ZC3H18: variants seen among roughly 807,000 people sequenced by gnomAD.
ZC3H18 encodes zinc finger CCCH-type containing 18, also known as zinc finger CCCH domain-containing protein 18.
ZC3H18 carries 8 observed loss-of-function variants against 106.1 expected under a neutral mutation model. The observed-to-expected ratio is 0.08, with a 90% confidence interval of 0.04 to 0.14. The LOEUF is 0.14. Ranked by LOEUF, ZC3H18 falls within the 10% of genes least tolerant of loss-of-function variation. ZC3H18 has a pLI of 1.00. For synonymous variants in ZC3H18, 635 were observed against 522.1 expected (o/e 1.22, Z -2.95); for missense variants, 1,318 against 1,278.4 (o/e 1.03, Z -0.47).
At chr16:88,578,913 C>G (rs1202071843) in intron 2 of ZC3H18, among the ~76,000 whole-genome samples, 2 of 152,208 alleles carry the variant, frequency 1.3e-5, no homozygotes, top group East Asian at 1.9e-4. Flanking sequence ...GTTTCAAACT[C>G]CTGACCTCAG....
In ZC3H18 at chr16:88,630,504, A is replaced by G. The variant is rs768586833; in HGVS notation, c.2586A>G (p.Ser862=). ...ACCCAGGTTCTCGGGACCGGAAGTCAGGTGGGAGACTGGGCTCCCCGAAGC... is the reference window on the plus strand; with the variant it reads ...ACCCAGGTTCTCGGGACCGGAAGTCGGGTGGGAGACTGGGCTCCCCGAAGC... ...SPDRGSRDRK[S]GGRLGSPKPE... The change falls in exon 17 of 18, where the codon TCA becomes TCG. Residue 862 remains serine (S), a synonymous_variant. Transcript: ENST00000301011. 1.4e-5 allele frequency: 23 copies of G among 1,613,362 alleles called. No individual in the cohort carries two copies. The African/African-American group carries it at 2.8e-4, about 20-fold the overall frequency.
rs1453018054 is a variant in ZC3H18, at chr16:88,631,866, A to G, written c.*567A>G. ...TTGATTTAAAAAGGAAAAAATACAGAAAAGACCAAAAAAAGGCCAAGGGTG... is the reference window on the plus strand; with the variant it reads ...TTGATTTAAAAAGGAAAAAATACAGGAAAGACCAAAAAAAGGCCAAGGGTG... On this transcript the variant is annotated 3_prime_UTR_variant, in exon 18 of 18. Transcript: ENST00000301011. The G allele has an allele frequency of 6.8e-6, 2 of 295,274 alleles. No individual in the cohort carries two copies. Among genetic ancestry groups the G allele is most frequent in the East Asian group, 2.4e-4 (2 of 8,416 alleles). 18.3% of individuals were successfully genotyped at this position (295,274 alleles called of 1,614,324 possible). A position where few individuals can be genotyped will look rare whatever the true frequency, so the allele number is the denominator to read the frequency against.
chr16:88,580,710 G>A (rs572067621), intron 2 of ZC3H18, among the ~76,000 whole-genome samples: 9 of 152,310 alleles, frequency 5.9e-5, no homozygotes, highest in Admixed American at 2.0e-4. Context: ...CTGATGGACT[G>A]GGAGCCCTGG....
intron 3 of ZC3H18, among the ~76,000 whole-genome samples, chr16:88,594,939 G>A (rs993745298): frequency 6.6e-6 from 1 of 151,908 alleles, no homozygotes; most frequent in African/African-American, 2.4e-5. Context: ...ATCACCTGAG[G>A]TCGCAAGCTC....
chr16:88,605,894 G>C (rs1374677554), intron 6 of ZC3H18, among the ~76,000 whole-genome samples: 1 of 152,242 alleles, frequency 6.6e-6, no homozygotes, highest in Non-Finnish European at 1.5e-5. Flanking sequence ...AGGACCTCGG[G>C]TTCTCCTCTC....
chr16:88,602,697 G>A (rs1904809195), intron 6 of ZC3H18, among the ~76,000 whole-genome samples: 1 of 152,156 alleles, frequency 6.6e-6, no homozygotes, highest in African/African-American at 2.4e-5. Context: ...TTGGTTTTTT[G>A]AGATGAGGTC....
chr16:88,574,537 T>C (rs548595973), intron 1 of ZC3H18, among the ~76,000 whole-genome samples: 1 of 151,402 alleles, frequency 6.6e-6, no homozygotes, highest in South Asian at 2.1e-4. Context: ...CTTTTTTGTT[T>C]TTTGTTTGAG....
chr16:88,630,749 A>ACCCCCCCCCCCCCCCCCCCCCCCCCCCC (rs1277102238), intron 17 of ZC3H18, among the ~76,000 whole-genome samples, 168 bp downstream of exon 17: 1 of 43,180 alleles, frequency 2.3e-5, no homozygotes, highest in African/African-American at 7.8e-5. Flanking sequence ...TTGCAGCCCC[A>ACCCCCCCCCCCCCCCCCCCCCCCCCCCC]CCCCCCACCC....
intron 3 of ZC3H18, among the ~76,000 whole-genome samples, chr16:88,594,630 A>G (rs1440580669): frequency 6.6e-6 from 1 of 152,190 alleles, no homozygotes; most frequent in African/African-American, 2.4e-5. Context: ...CACAGAGCAT[A>G]ATATATATGC....
chr16:88,621,092 T>G (rs1039365631), intron 8 of ZC3H18, among the ~76,000 whole-genome samples: 13 of 152,212 alleles, frequency 8.5e-5, no homozygotes, highest in Admixed American at 4.6e-4. Context: ...TCGCCCAGAT[T>G]GGAGGGCAGT....
intron 6 of ZC3H18, among the ~76,000 whole-genome samples, chr16:88,607,834 G>A (rs745859593): frequency 2.6e-5 from 4 of 151,672 alleles, no homozygotes; most frequent in Non-Finnish European, 4.4e-5. Context: ...ATTCACGCAC[G>A]CTTCATGTCT....
At chr16:88,607,388 T>C (rs1905062725) in intron 6 of ZC3H18, among the ~76,000 whole-genome samples, 1 of 152,260 alleles carries the variant, frequency 6.6e-6, no homozygotes, top group South Asian at 2.1e-4. Flanking sequence ...AACTTGGGTG[T>C]CAGCTTGTCT....
At chr16:88,588,942 G>T (rs568820974) in intron 3 of ZC3H18, among the ~76,000 whole-genome samples, 1 of 152,090 alleles carries the variant, frequency 6.6e-6, no homozygotes, top group African/African-American at 2.4e-5. Flanking sequence ...TTAATCAGGT[G>T]TTATCAATAA....
intron 3 of ZC3H18, among the ~76,000 whole-genome samples, chr16:88,592,202 ATAG>A (rs1233004718): frequency 6.6e-6 from 1 of 151,466 alleles, no homozygotes; most frequent in Non-Finnish European, 1.5e-5. Flanking sequence ...TTTTTTTTTG[ATAG>A]TAGCCATTTC....
At position 88,608,946 on chromosome 16, in the gene ZC3H18, C is replaced by T. The variant is rs139648944; in HGVS notation, c.1101C>T (p.Tyr367=). 8.2e-5 allele frequency: 133 copies of T among 1,613,064 alleles called. 1 individual carries two copies. The highest frequency in any genetic ancestry group is 5.5e-5 in the South Asian group (5 of 90,946). ...RDVRDTVLEP[Y]ADPYYDYEIE... Reference sequence around the variant, plus strand: ...TGGCCCTTTTCAGACTCGAGCCTTACGCAGACCCTTATTATGACTATGAAA... The same window carrying T: ...TGGCCCTTTTCAGACTCGAGCCTTATGCAGACCCTTATTATGACTATGAAA... Residue 367 remains tyrosine, a synonymous_variant, in exon 7 of 18, where the codon TAC becomes TAT. Coordinates refer to ENST00000301011, the MANE Select transcript of ZC3H18 (RefSeq NM_144604.4).
In ZC3H18 at chr16:88,627,896, T is replaced by C; in HGVS notation, c.2270-24T>C. ...CATGGGAAAATCACCAGTACCCCCA[T>C]GACTGCGGATTTATCATTGGTAGGA... On this transcript the variant is annotated intron_variant, in intron 14 of 17. Transcript: ENST00000301011. This position sits in a 1 kb window ranked among gnomAD's most constrained non-coding sequence, Gnocchi z 4.5. 1 of 1,613,622 alleles carries C rather than the reference T, an allele frequency of 6.2e-7. No individual in the cohort carries two copies. The highest frequency in any genetic ancestry group is 8.5e-7 in the Non-Finnish European group (1 of 1,179,996).
At chr16:88,580,334 G>C (rs1188946384) in intron 2 of ZC3H18, among the ~76,000 whole-genome samples, 1 of 152,114 alleles carries the variant, frequency 6.6e-6, no homozygotes, top group Non-Finnish European at 1.5e-5. Context: ...CCAGTCAGTA[G>C]AGGAATCCTA....
chr16:88,610,921 G>C lies in ZC3H18; in HGVS notation c.1207-347G>C, dbSNP rs530952001. On this transcript the variant is annotated intron_variant, in intron 7 of 17. Coordinates refer to ENST00000301011, the MANE Select transcript of ZC3H18 (RefSeq NM_144604.4). ...ACTGCAGAATTGCTGCCCTGAGTTA[G>C]TCTAGAATTGGTGGTTGGGATGATT... 2.6e-5 allele frequency among the ~76,000 whole-genome samples: 4 copies of C among 152,374 alleles called. No homozygotes were observed. In the East Asian group the frequency reaches 7.7e-4, roughly 29 times the overall value.
At chr16:88,619,923 G>A (rs2142791628) in intron 8 of ZC3H18, among the ~76,000 whole-genome samples, 1 of 152,318 alleles carries the variant, frequency 6.6e-6, no homozygotes, top group East Asian at 1.9e-4. Flanking sequence ...AGTAGCCTGT[G>A]ACAGGGAGGA....
Sources: gnomAD v4.1 joint callset for allele counts (sites outside exome capture counted in the v4.1 genomes callset) on GRCh38, gnomAD v4.1.1 for gene constraint, Gnocchi (gnomAD v3.1) non-coding constraint, MANE v1.5 for transcripts, NCBI Gene and HGNC (gene_info 2026-07-23, HGNC 2026-07-21) for gene names.